MID1: variants seen among roughly 807,000 people sequenced by gnomAD.
MID1 encodes E3 ubiquitin-protein ligase Midline-1.
In MID1, 7 loss-of-function variants were observed where a neutral mutation model predicts 40.4. That is an observed-to-expected ratio of 0.17 (90% CI 0.10 to 0.33). MID1 has a LOEUF of 0.33. Ranked by LOEUF, MID1 falls within the 10% of genes least tolerant of loss-of-function variation. The pLI, the probability that MID1 is intolerant of heterozygous loss-of-function variation, is 1.00. For synonymous variants in MID1, 229 were observed against 221.2 expected (o/e 1.04, Z -0.31); for missense variants, 367 against 558.5 (o/e 0.66, Z 3.46).
At chrX:10,538,194 A>T (rs2428602) in intron 2 of MID1, among the ~76,000 whole-genome samples, 35,948 of 109,920 alleles carry the variant, frequency 0.33, 4,539 homozygotes, top group Non-Finnish European at 0.38. Flanking sequence ...GCTGGTCTTG[A>T]ACTCCTGGGC....
At chrX:10,674,312 CGTT>C (rs2147065269) in intron 1 of MID1, among the ~76,000 whole-genome samples, 1 of 112,355 alleles carries the variant, frequency 8.9e-6, no homozygotes, top group South Asian at 3.7e-4. Flanking sequence ...AAGAGTTTTT[CGTT>C]GTTGCTGAAA....
At chrX:10,546,351 T>C (rs1933680556) in intron 2 of MID1, among the ~76,000 whole-genome samples, 1 of 112,747 alleles carries the variant, frequency 8.9e-6, no homozygotes, top group Non-Finnish European at 1.9e-5. Context: ...AATGCTTTGG[T>C]TTGGTTCCAT....
chrX:10,456,206 T>G (rs775564114), intron 8 of MID1, among the ~76,000 whole-genome samples: 13 of 112,368 alleles, frequency 1.2e-4, no homozygotes, highest in African/African-American at 3.9e-4. Context: ...CACATGTGGG[T>G]AGGCCAAAGG....
chrX:10,540,347 G>C (rs1450306452), intron 2 of MID1, among the ~76,000 whole-genome samples: 1 of 112,284 alleles, frequency 8.9e-6, no homozygotes, highest in Non-Finnish European at 1.9e-5. Flanking sequence ...CAAGGCTAAA[G>C]AATTCTGCCT....
At chrX:10,582,278 A>G (rs1446038628) in intron 1 of MID1, among the ~76,000 whole-genome samples, 1 of 111,157 alleles carries the variant, frequency 9.0e-6, no homozygotes, top group Non-Finnish European at 1.9e-5. Flanking sequence ...CAACAAACAA[A>G]CCTGCCTTCT....
chrX:10,721,584 C>A (rs1335391698), intron 1 of MID1, among the ~76,000 whole-genome samples: 1 of 110,450 alleles, frequency 9.1e-6, no homozygotes, highest in Non-Finnish European at 1.9e-5. Flanking sequence ...CATTCTGTGC[C>A]GAAAACACAG....
At chrX:10,627,308 C>T (rs1215042416) in intron 1 of MID1, among the ~76,000 whole-genome samples, 1 of 111,496 alleles carries the variant, frequency 9.0e-6, no homozygotes, top group African/African-American at 3.3e-5. Flanking sequence ...GTGATCACGT[C>T]ATACACATAT....
At chrX:10,464,114 C>T (rs1481683384) in intron 7 of MID1, among the ~76,000 whole-genome samples, 8 of 111,629 alleles carry the variant, frequency 7.2e-5, no homozygotes, top group African/African-American at 2.6e-4. Flanking sequence ...GGCATCTATG[C>T]GTTAAAGGCT....
At chrX:10,690,580 G>C in intron 1 of MID1, among the ~76,000 whole-genome samples, 1 of 111,558 alleles carries the variant, frequency 9.0e-6, no homozygotes, top group Non-Finnish European at 1.9e-5. Flanking sequence ...TACAATATGT[G>C]GTTACCAAGC....
chrX:10,825,975 C>G (rs747422454), intron 1 of MID1, among the ~76,000 whole-genome samples: 1 of 111,270 alleles, frequency 9.0e-6, no homozygotes, highest in Non-Finnish European at 1.9e-5. Context: ...GTGTTTATGA[C>G]CTAATTTTTA....
intron 1 of MID1, among the ~76,000 whole-genome samples, chrX:10,715,379 C>T (rs200481667): frequency 4.5e-5 from 5 of 112,301 alleles, no homozygotes; most frequent in South Asian, 3.8e-4. Flanking sequence ...TCTTAGCAAA[C>T]GGCACACCAG....
intron 1 of MID1, among the ~76,000 whole-genome samples, chrX:10,813,214 T>A (rs1358017871): frequency 9.1e-6 from 1 of 110,160 alleles, no homozygotes; most frequent in Non-Finnish European, 1.9e-5. Flanking sequence ...GAGTGATGTT[T>A]ATGAAAGAAT....
chrX:10,811,935 C>A (rs1433357629), intron 1 of MID1, among the ~76,000 whole-genome samples: 2 of 111,831 alleles, frequency 1.8e-5, no homozygotes, highest in African/African-American at 6.5e-5. Flanking sequence ...AATGTCCATT[C>A]TTTTGATATT....
chrX:10,675,810 T>G (rs147549974), intron 1 of MID1, among the ~76,000 whole-genome samples: 2,788 of 111,903 alleles, frequency 0.025, 41 homozygotes, highest in African/African-American at 0.049. Flanking sequence ...GAGCTGATTC[T>G]TTGAAAATGT....
intron 1 of MID1, among the ~76,000 whole-genome samples, chrX:10,687,235 G>A (rs146642179): frequency 0.012 from 1,365 of 111,569 alleles, 24 homozygotes; most frequent in African/African-American, 0.042. Flanking sequence ...ATCTAGACAC[G>A]ATAATTTTAT....
At chrX:10,533,350 AAG>A (rs1491123842) in intron 2 of MID1, among the ~76,000 whole-genome samples, 181 of 81,675 alleles carry the variant, frequency 2.2e-3, no homozygotes, top group African/African-American at 7.7e-3. Context: ...GAAAGAAAGA[AAG>A]AAAGAAAGAA....
At chrX:10,654,165 A>G (rs975214772) in intron 1 of MID1, among the ~76,000 whole-genome samples, 2 of 111,977 alleles carry the variant, frequency 1.8e-5, no homozygotes, top group Non-Finnish European at 3.8e-5. Flanking sequence ...ATATAGTTAT[A>G]GTTATATATA....
rs1491111093 is a variant in MID1 at position 10,510,854 on chromosome X, A to AT, written c.756+12237_756+12238insA. The stretch of plus-strand genomic sequence containing the variant: ...TCAAAAAAAAAAAAAAAAAAAAAAA[A>AT]GAAAATGCTGAAACCTAAGGTTTTT... On this transcript the variant is annotated intron_variant, in intron 3 of 9. Transcript: ENST00000317552. 1.6e-4 allele frequency among the ~76,000 whole-genome samples: 17 copies of AT among 103,968 alleles called. No homozygotes were observed. The East Asian group carries it at 4.4e-3, about 27-fold the overall frequency. The allele number at this position is 103,968 out of a possible 115,157, so 90.3% of individuals were successfully genotyped here. A position where few individuals can be genotyped will look rare whatever the true frequency, so the allele number is the denominator to read the frequency against.
intron 1 of MID1, among the ~76,000 whole-genome samples, chrX:10,570,129 C>T (rs1032213143): frequency 8.9e-6 from 1 of 111,963 alleles, no homozygotes; most frequent in Non-Finnish European, 1.9e-5. Context: ...AACACAGACT[C>T]AGACAGTGAG....
Sources: allele counts gnomAD v4.1 joint callset (sites outside exome capture counted in the v4.1 genomes callset), GRCh38; gene constraint gnomAD v4.1.1; transcripts MANE v1.5; gene names NCBI Gene and HGNC (gene_info 2026-07-23, HGNC 2026-07-21).